Variants in URB1 observed in about 807,000 individuals in gnomAD.
URB1 encodes nucleolar pre-ribosomal-associated protein 1.
A neutral mutation model predicts 242.3 loss-of-function variants in URB1; 197 were observed. The ratio of observed to expected loss-of-function variants is 0.81; its 90% CI spans 0.72 to 0.91. URB1 has a LOEUF of 0.91. Ranked by LOEUF, URB1 falls within the 40% of genes least tolerant of loss-of-function variation. The pLI is 0.00. For synonymous variants in URB1, 1,153 were observed against 1,201.8 expected (o/e 0.96, Z 0.84); for missense variants, 2,721 against 2,860.5 (o/e 0.95, Z 1.11).
Position 32,347,124 on chromosome 21 carries a change from C to A in URB1, c.3700G>T (p.Ala1234Ser), listed in dbSNP as rs753144177. 1 of 1,549,336 alleles carries A rather than the reference C, an allele frequency of 6.5e-7. No individual in the cohort carries two copies. Among genetic ancestry groups the A allele is most frequent in the East Asian group, 2.4e-5 (1 of 40,884 alleles). ...ARRTQAALSI[A>S]ALLLQESCTH... The stretch of plus-strand genomic sequence containing the variant: ...CAGCTCTCCTGGAGGAGCAGGGCAG[C>A]GATGCTGAGGGCCGCCTGTGTGCGC... The change falls in exon 22 of 39, where the codon GCT becomes TCT. Residue 1234 changes from alanine (A) to serine (S), a missense_variant. Ala to Ser is a moderately conservative substitution (Grantham distance 99). Transcript: ENST00000382751.
At chr21:32,330,415 A>G (rs564701000) in intron 30 of URB1, among the ~76,000 whole-genome samples, 1 of 151,986 alleles carries the variant, frequency 6.6e-6, no homozygotes, top group East Asian at 1.9e-4. Context: ...GGAAACTGGT[A>G]CCTGGTACAT....
chr21:32,340,722 A>C (rs937941897), intron 25 of URB1, among the ~76,000 whole-genome samples: 1 of 152,192 alleles, frequency 6.6e-6, no homozygotes, highest in Non-Finnish European at 1.5e-5. Context: ...CCACCCCAAG[A>C]GACATGATAG....
chr21:32,317,534 AG>A lies in URB1; in HGVS notation c.6034+141del, dbSNP rs1259686548. 5.4e-6 allele frequency: 7 copies of A among 1,304,496 alleles called. No homozygotes were observed. In the East Asian group the frequency reaches 1.8e-4, roughly 33 times the overall value. The allele number at this position is 1,304,496 out of a possible 1,614,324, so 80.8% of individuals were successfully genotyped here. A position where few individuals can be genotyped will look rare whatever the true frequency, so the allele number is the denominator to read the frequency against. On this transcript the variant is annotated intron_variant, in intron 37 of 38. Coordinates refer to ENST00000382751, the MANE Select transcript of URB1 (RefSeq NM_014825.3). Reference sequence around the variant, plus strand: ...TCAAAGGCTGCCCAGCTCCCCATCCAGGGCTCCAAGATGGATGTGTCCCATC... The same window carrying A: ...TCAAAGGCTGCCCAGCTCCCCATCCAGGCTCCAAGATGGATGTGTCCCATC...
At chr21:32,385,493 C>A in intron 2 of URB1, 52 bp downstream of exon 2, 1 of 1,524,546 alleles carries the variant, frequency 6.6e-7, no homozygotes, top group Non-Finnish European at 8.8e-7. Flanking sequence ...TCAAACTTAA[C>A]AGCAGCATTA....
chr21:32,382,399 T>C (rs1341349207), intron 4 of URB1, among the ~76,000 whole-genome samples: 1 of 152,220 alleles, frequency 6.6e-6, no homozygotes, highest in African/African-American at 2.4e-5. Flanking sequence ...CTGGAATTTT[T>C]TTCCTTAGAG....
chr21:32,384,560 C>G lies in URB1; in HGVS notation c.283-96G>C, dbSNP rs1370509039. 4 of 1,443,648 alleles carry G rather than the reference C, an allele frequency of 2.8e-6. No individual in the cohort carries two copies. The Admixed American group carries it at 9.3e-5, about 34-fold the overall frequency. 89.4% of individuals were successfully genotyped at this position (1,443,648 alleles called of 1,614,324 possible). A position where few individuals can be genotyped will look rare whatever the true frequency, so the allele number is the denominator to read the frequency against. ...TGTCTTAGCCATAGTTACTTGTAGG[C>G]TTAAAGCCTTCAACATGCAGGATGA... On this transcript the variant is annotated intron_variant, in intron 2 of 38. Transcript: ENST00000382751.
Position 32,352,916 on chromosome 21 carries a change from AACGAGATGCATATGGGAAG to A in URB1, c.2417-29_2417-11del. The A allele has an allele frequency of 3.3e-6, 5 of 1,533,330 alleles. No homozygotes were observed. The highest frequency in any genetic ancestry group is 4.4e-6 in the Non-Finnish European group (5 of 1,137,134). 95.0% of individuals were successfully genotyped at this position (1,533,330 alleles called of 1,614,324 possible). A position where few individuals can be genotyped will look rare whatever the true frequency, so the allele number is the denominator to read the frequency against. The stretch of plus-strand genomic sequence containing the variant: ...GTCACAACGTTTTCCGCTGCAAAGG[AACGAGATGCATATGGGAAG>A]AGGCTGGCTGGGCCCACCCTTCTGT... On this transcript the variant is annotated splice_polypyrimidine_tract_variant and intron_variant, in intron 18 of 38. Transcript: ENST00000382751.
At chr21:32,392,685 C>T (rs1458546892) in intron 1 of URB1, 84 bp downstream of exon 1, 50 of 1,346,216 alleles carry the variant, frequency 3.7e-5, no homozygotes, top group Non-Finnish European at 4.6e-5. Context: ...CCGAAAGCTG[C>T]AGAAAGGAGA....
At chr21:32,389,428 T>C (rs908628089) in intron 1 of URB1, among the ~76,000 whole-genome samples, 2 of 152,272 alleles carry the variant, frequency 1.3e-5, no homozygotes, top group African/African-American at 2.4e-5. Context: ...GAAGGATCAT[T>C]TGACTGCTGC....
intron 7 of URB1, among the ~76,000 whole-genome samples, chr21:32,373,147 A>T (rs2033423751): frequency 6.6e-6 from 1 of 152,248 alleles, no homozygotes; most frequent in Admixed American, 6.5e-5. Flanking sequence ...TGTTAAGAGC[A>T]GCTGTTTCAA....
intron 10 of URB1, 73 bp downstream of exon 10, chr21:32,366,545 G>C: frequency 3.3e-6 from 5 of 1,534,956 alleles, no homozygotes; most frequent in Non-Finnish European, 4.4e-6. Context: ...CCAGTTCTCA[G>C]AATAATCACA....
In URB1 at chr21:32,317,916, G is replaced by A. The variant is rs765605561; in HGVS notation, c.5794C>T (p.Pro1932Ser). 19 of 1,551,512 alleles carry A rather than the reference G, an allele frequency of 1.2e-5. No homozygotes were observed. Among genetic ancestry groups the A allele is most frequent in the Non-Finnish European group, 1.7e-5 (19 of 1,146,938 alleles). Residue 1932 changes from proline to serine, a missense_variant and splice_region_variant, in exon 37 of 39, where the codon CCC becomes TCC. Transcript: ENST00000382751. Reference protein sequence around the residue: ...VLIVLMKHLRPTLAPVQLTNF... With the variant: ...VLIVLMKHLRSTLAPVQLTNF... ...GTCAGCTGGACGGGGGCCAAGGTGG[G>A]CCTGTTTGGGAGTCAATGTTACAGA...
In URB1 at chr21:32,392,776, G is replaced by A; in HGVS notation, c.135C>T (p.Pro45=). The A allele has an allele frequency of 9.5e-6, 14 of 1,478,524 alleles. No homozygotes were observed. The highest frequency in any genetic ancestry group is 1.3e-5 in the South Asian group (1 of 78,510). 91.6% of individuals were successfully genotyped at this position (1,478,524 alleles called of 1,614,324 possible). ...CTGCCGCCCCGGACTCACCTGGCCC[G>A]GGGCCCTGCGGGTCCTTCAGCTGAG... ...FKAQLKDPQG[P]GPGLEAFVSA... is the part of the protein sequence containing the mutation. The change falls in exon 1 of 39, where the codon CCC becomes CCT. Residue 45 remains proline (P), a synonymous_variant. Transcript: ENST00000382751.
chr21:32,383,652 C>A, intron 3 of URB1, 98 bp from the exon 4 acceptor site: 1 of 1,318,180 alleles, frequency 7.6e-7, no homozygotes, highest in Non-Finnish European at 9.9e-7. Flanking sequence ...GTGTTATTTG[C>A]TATCCCCAAA....
At chr21:32,364,638 C>T (rs1292688650) in intron 10 of URB1, among the ~76,000 whole-genome samples, 1 of 152,246 alleles carries the variant, frequency 6.6e-6, no homozygotes, top group Non-Finnish European at 1.5e-5. Context: ...GCACACCACA[C>T]CCAAGGGGCT....
intron 14 of URB1, among the ~76,000 whole-genome samples, chr21:32,358,323 T>C (rs2033247513): frequency 6.6e-6 from 1 of 152,202 alleles, no homozygotes; most frequent in African/African-American, 2.4e-5. Context: ...CCAAGGCAGA[T>C]GCTGTGCTGT....
intron 16 of URB1, 39 bp downstream of exon 16, chr21:32,355,410 C>T: frequency 6.6e-7 from 1 of 1,517,834 alleles, no homozygotes; most frequent in Non-Finnish European, 9.0e-7. Context: ...ATATAATTAT[C>T]TCTGAGCATG....
chr21:32,361,258 A>G (rs2033284920), intron 12 of URB1, 135 bp from the exon 13 acceptor site: 1 of 675,950 alleles, frequency 1.5e-6, no homozygotes, highest in Non-Finnish European at 2.4e-6. Flanking sequence ...CAGCTGAACC[A>G]AGTGTGGCAC....
At chr21:32,352,333 GCA>G (rs2033167238) in intron 19 of URB1, among the ~76,000 whole-genome samples, 1 of 152,134 alleles carries the variant, frequency 6.6e-6, no homozygotes, top group Admixed American at 6.5e-5. Flanking sequence ...TGACAGCTGA[GCA>G]CAGTTTGTCT....
Sources: gnomAD v4.1 joint callset for allele counts (sites outside exome capture counted in the v4.1 genomes callset) on GRCh38, gnomAD v4.1.1 for gene constraint, MANE v1.5 for transcripts, NCBI Gene and HGNC (gene_info 2026-07-23, HGNC 2026-07-21) for gene names.